Variants in ZNF124 observed in about 807,000 individuals in gnomAD.
ZNF124 encodes zinc finger protein HZF-16.
Under a neutral mutation model 26.6 loss-of-function variants are expected in ZNF124, and 25 were observed. That is an observed-to-expected ratio of 0.94 (90% CI 0.68 to 1.31). The LOEUF (loss-of-function observed/expected upper bound fraction) is 1.31. ZNF124 is among the 40% of genes most tolerant of loss of function. The pLI is 0.00. For missense variants in ZNF124, 444 were observed against 422.2 expected, an observed-to-expected ratio of 1.05 and a Z score of -0.45; for synonymous variants, 129 against 133.3, an observed-to-expected ratio of 0.97 and a Z score of 0.22.
At position 247,159,979 on chromosome 1, in the gene ZNF124, CTTTTTTTTTT is replaced by C. The variant is rs1212199135; in HGVS notation, c.31-176_31-167del. 2.6e-4 allele frequency: 39 copies of C among 147,720 alleles called. 1 individual carries two copies. Among genetic ancestry groups the C allele is most frequent in the Admixed American group, 5.3e-4 (4 of 7,600 alleles). The allele number at this position is 147,720 out of a possible 1,614,324, so 9.2% of individuals were successfully genotyped here. A position where few individuals can be genotyped will look rare whatever the true frequency, so the allele number is the denominator to read the frequency against. On this transcript the variant is annotated intron_variant, in intron 1 of 3. Transcript: ENST00000543802. ...ACTTCCTTTCTCCCACATAGCAGTT[CTTTTTTTTTT>C]TTTTTTTTTTTTTTTGAGACGGAGT...
intron 3 of ZNF124, among the ~76,000 whole-genome samples, chr1:247,145,264 C>G (rs972627039): frequency 1.3e-5 from 2 of 152,070 alleles, no homozygotes; most frequent in Non-Finnish European, 2.9e-5. Context: ...TAAAATCAGC[C>G]AATTTTTAGT....
intron 1 of ZNF124, among the ~76,000 whole-genome samples, chr1:247,162,389 C>T (rs1299152400): frequency 6.6e-6 from 1 of 152,058 alleles, no homozygotes; most frequent in Admixed American, 6.6e-5. Flanking sequence ...GACGCCCACA[C>T]ATTCAAAGTA....
rs192248566 is a variant in ZNF124 at position 247,137,692 on chromosome 1, A to G, written c.219-13821T>C. ...CAGGCAACCTACAAAATGGGAGAAA[A>G]TTTCTGGAATCTATCCATCTGACAA... On this transcript the variant is annotated intron_variant, in intron 3 of 3. Coordinates refer to the ZNF124 transcript ENST00000472531. Among the ~76,000 whole-genome samples, 416 of 152,172 alleles carry G rather than the reference A, an allele frequency of 2.7e-3. 5 individuals carry two copies. Among genetic ancestry groups the G allele is most frequent in the African/African-American group, 9.5e-3 (396 of 41,506 alleles).
chr1:247,145,984 T>G (rs968839154), intron 3 of ZNF124, among the ~76,000 whole-genome samples: 7 of 152,226 alleles, frequency 4.6e-5, no homozygotes, highest in African/African-American at 1.4e-4. Context: ...TATTTCCAGT[T>G]TGCAGCCTGA....
chr1:247,134,344 T>C (rs530755552), intron 3 of ZNF124, among the ~76,000 whole-genome samples: 15 of 152,304 alleles, frequency 9.8e-5, no homozygotes, highest in African/African-American at 3.6e-4. Context: ...ATCAGTGTGC[T>C]GTATTCAGGA....
At chr1:247,132,274 C>A (rs922211969) in intron 3 of ZNF124, among the ~76,000 whole-genome samples, 23 of 152,148 alleles carry the variant, frequency 1.5e-4, no homozygotes, top group African/African-American at 5.3e-4. Flanking sequence ...CTCAGAAAAA[C>A]CCCATCCAAG....
At chr1:247,122,213 C>T (rs1672099427) in exon 4 of ZNF124, 1 of 152,150 alleles carries the variant, frequency 6.6e-6, no homozygotes, top group Non-Finnish European at 1.5e-5. Flanking sequence ...TGAATCAGTA[C>T]TTATTTAGTT....
chr1:247,132,992 G>C (rs983968940), intron 3 of ZNF124, among the ~76,000 whole-genome samples: 1 of 152,130 alleles, frequency 6.6e-6, no homozygotes, highest in African/African-American at 2.4e-5. Context: ...GAGGAGTTTT[G>C]TCTGTGGCTC....
downstream of ZNF124, among the ~76,000 whole-genome samples, chr1:247,153,431 G>A (rs1673003103): frequency 6.6e-6 from 1 of 152,214 alleles, no homozygotes; most frequent in Non-Finnish European, 1.5e-5. Context: ...GTGGGGACTT[G>A]ATCCTGTCTG....
intron 3 of ZNF124, chr1:247,138,276 G>C (rs1049616720): frequency 6.6e-6 from 1 of 152,426 alleles, no homozygotes; most frequent in Non-Finnish European, 1.5e-5. Context: ...ATATACCATA[G>C]AACACTATGT....
At position 247,156,847 on chromosome 1, in the gene ZNF124, C is replaced by G. The variant is rs1157789165; in HGVS notation, c.775G>C (p.Glu259Gln). Residue 259 changes from glutamate (E) to glutamine (Q), a missense_variant, in exon 4 of 4, where the codon GAA (glutamate) becomes CAA (glutamine). Glu to Gln is a conservative substitution (Grantham distance 29). Coordinates refer to ENST00000543802, the MANE Select transcript of ZNF124 (RefSeq NM_001297568.2). ...CATTGCTTACATGGATAGGGTTCTT[C>G]ACCAGCATGAGCCTTTATATGTCCT... Reference protein sequence around the residue: ...LQGHIKAHAGEEPYPCKQCGK... With the variant: ...LQGHIKAHAGQEPYPCKQCGK... The G allele has an allele frequency of 6.2e-7, 1 of 1,614,180 alleles. No homozygotes were observed. Among genetic ancestry groups the G allele is most frequent in the Non-Finnish European group, 8.5e-7 (1 of 1,180,022 alleles).
At chr1:247,166,256 C>T (rs1376217181) in intron 1 of ZNF124, among the ~76,000 whole-genome samples, 1 of 152,222 alleles carries the variant, frequency 6.6e-6, no homozygotes, top group Non-Finnish European at 1.5e-5. Context: ...AATGCTTATA[C>T]ACTGCTGGTG....
chr1:247,148,479 A>G (rs1431510418), intron 3 of ZNF124, among the ~76,000 whole-genome samples: 2 of 152,214 alleles, frequency 1.3e-5, no homozygotes, highest in African/African-American at 2.4e-5. Flanking sequence ...ATATTAGAAG[A>G]AGGCATGAGA....
At chr1:247,161,887 A>T (rs12144327) in intron 1 of ZNF124, among the ~76,000 whole-genome samples, 1 of 152,316 alleles carries the variant, frequency 6.6e-6, no homozygotes, top group South Asian at 2.1e-4. Context: ...CTCCATTGCT[A>T]TTTCCAGTAA....
intron 1 of ZNF124, among the ~76,000 whole-genome samples, chr1:247,166,654 A>G (rs922495108): frequency 4.6e-5 from 7 of 152,250 alleles, no homozygotes; most frequent in African/African-American, 1.4e-4. Context: ...AGCAAGTTGG[A>G]TAACATTGAT....
At chr1:247,152,042 C>T (rs1672960984), downstream of ZNF124, among the ~76,000 whole-genome samples, 1 of 140,292 alleles carries the variant, frequency 7.1e-6, no homozygotes, top group Admixed American at 7.2e-5. Flanking sequence ...TAAAAATGTT[C>T]CCCACCCCCC....
intron 1 of ZNF124, among the ~76,000 whole-genome samples, chr1:247,170,286 T>A (rs11487724): frequency 0.31 from 44,858 of 146,232 alleles, 8,104 homozygotes; most frequent in African/African-American, 0.45. Flanking sequence ...AACAATTACA[T>A]TACTGCATCT....
chr1:247,165,797 T>C (rs759315811), intron 1 of ZNF124, among the ~76,000 whole-genome samples: 1 of 151,762 alleles, frequency 6.6e-6, no homozygotes, highest in Admixed American at 6.6e-5. Context: ...ATGAGAAAAA[T>C]GAACATTATC....
intron 1 of ZNF124, among the ~76,000 whole-genome samples, chr1:247,167,265 C>G (rs1422955152): frequency 1.3e-5 from 2 of 152,186 alleles, no homozygotes; most frequent in Non-Finnish European, 2.9e-5. Context: ...CCATTCAACA[C>G]AGTATTGGAA....
Sources: allele counts gnomAD v4.1 joint callset (sites outside exome capture counted in the v4.1 genomes callset), GRCh38; gene constraint gnomAD v4.1.1; transcripts MANE v1.5; gene names NCBI Gene and HGNC (gene_info 2026-07-23, HGNC 2026-07-21).